Variants in ANXA2 observed in about 807,000 individuals in gnomAD.
ANXA2 encodes the protein annexin II.
ANXA2 carries 28 observed loss-of-function variants against 47.3 expected under a neutral mutation model. The observed-to-expected ratio is 0.59, with a 90% CI of 0.44 to 0.81. The LOEUF (loss-of-function observed/expected upper bound fraction) is 0.81, where lower values mean the gene tolerates loss of function less well. ANXA2 is among the 40% of genes least tolerant of loss of function. The pLI, the probability that ANXA2 is intolerant of heterozygous loss-of-function variation, is 0.00. For missense variants in ANXA2, 384 were observed against 414.3 expected (o/e 0.93, Z 0.64); for synonymous variants, 172 against 155.5 (o/e 1.11, Z -0.79).
At chr15:60,371,646 T>C (rs1307150411) in intron 3 of ANXA2, among the ~76,000 whole-genome samples, 1 of 152,096 alleles carries the variant, frequency 6.6e-6, no homozygotes, top group Non-Finnish European at 1.5e-5. Context: ...GGGGTTGACT[T>C]GGAAAACAAA....
chr15:60,354,288 C>A, intron 7 of ANXA2, 75 bp from the exon 8 acceptor site: 1 of 1,131,070 alleles, frequency 8.8e-7, no homozygotes, highest in South Asian at 1.4e-5. Context: ...TCTCCCCAGT[C>A]CATGTACGCC....
intron 1 of ANXA2, chr15:60,390,152 C>T: frequency 2.4e-6 from 1 of 420,670 alleles, no homozygotes; most frequent in Non-Finnish European, 3.3e-6. Context: ...CTATGTATAA[C>T]CATTTTGCAG....
chr15:60,392,944 A>T (rs937629790), intron 1 of ANXA2: 9 of 10,402 alleles, frequency 8.7e-4, no homozygotes, highest in African/African-American at 4.4e-3. Context: ...TTTTAAACTA[A>T]AAAAAAAAAA....
chr15:60,354,822 T>C, intron 7 of ANXA2, among the ~76,000 whole-genome samples: 1 of 152,082 alleles, frequency 6.6e-6, no homozygotes, highest in East Asian at 1.9e-4. Flanking sequence ...ATTTAGCTCT[T>C]TCTCACAGAG....
intron 4 of ANXA2, among the ~76,000 whole-genome samples, chr15:60,364,016 A>C (rs1408213374): frequency 1.3e-5 from 2 of 152,134 alleles, no homozygotes; most frequent in African/African-American, 2.4e-5. Context: ...CTATTCCCAG[A>C]AGCTCTCCCT....
intron 7 of ANXA2, among the ~76,000 whole-genome samples, chr15:60,354,466 C>G (rs2062394641): frequency 6.6e-6 from 1 of 151,702 alleles, no homozygotes; most frequent in Non-Finnish European, 1.5e-5. Flanking sequence ...AAGGTGAAAC[C>G]CTGTCTCTAC....
At chr15:60,353,868 G>A (rs1309236690) in intron 8 of ANXA2, among the ~76,000 whole-genome samples, 1 of 152,190 alleles carries the variant, frequency 6.6e-6, no homozygotes, top group Non-Finnish European at 1.5e-5. Context: ...CAACAGTCAT[G>A]TGAAGTGCAC....
intron 1 of ANXA2, chr15:60,392,980 A>T: frequency 9.1e-7 from 1 of 1,094,902 alleles, no homozygotes; most frequent in Non-Finnish European, 1.2e-6. Flanking sequence ...GGGTGAGGAG[A>T]GGGGTTCCCA....
chr15:60,363,051 A>T (rs1052993299), intron 4 of ANXA2: 20 of 150,752 alleles, frequency 1.3e-4, no homozygotes, highest in African/African-American at 4.9e-4. Context: ...AAAAAAAAAA[A>T]AAAAAAAGTT....
At chr15:60,353,568 G>A (rs1248829836) in intron 8 of ANXA2, among the ~76,000 whole-genome samples, 1 of 152,226 alleles carries the variant, frequency 6.6e-6, no homozygotes, top group East Asian at 1.9e-4. Flanking sequence ...AAACATTGCT[G>A]TCAGACTATG....
chr15:60,386,118 G>A lies in ANXA2; in HGVS notation c.-11-32C>T, dbSNP rs377278635. 6,266 of 1,513,078 alleles carry A rather than the reference G, an allele frequency of 4.1e-3. 22 individuals carry two copies. The highest frequency in any genetic ancestry group is 0.012 in the South Asian group (1,073 of 88,012). The allele number at this position is 1,513,078 out of a possible 1,614,324, so 93.7% of individuals were successfully genotyped here. ...AAAAAGTACAACAAAAAGTCTTTAT[G>A]AAGAGGCTCTCCTTTACTCTGAAGC... On this transcript the variant is annotated intron_variant, in intron 1 of 12. Transcript: ENST00000451270.
At chr15:60,357,658 T>A (rs1314748919) in intron 5 of ANXA2, among the ~76,000 whole-genome samples, 2 of 152,184 alleles carry the variant, frequency 1.3e-5, no homozygotes, top group African/African-American at 4.8e-5. Context: ...CTGGGCATGG[T>A]AGCGGGCGCC....
In ANXA2 at chr15:60,364,435, G is replaced by C; in HGVS notation, c.237C>G (p.Thr79=). The C allele has an allele frequency of 6.2e-7, 1 of 1,609,112 alleles. No individual in the cohort carries two copies. Among genetic ancestry groups the C allele is most frequent in the South Asian group, 1.1e-5 (1 of 89,934 alleles). Residue 79 remains threonine, a synonymous_variant, in exon 4 of 13, where the codon ACC becomes ACG. Coordinates refer to ENST00000451270, the MANE Select transcript of ANXA2 (RefSeq NM_004039.3). ...QDIAFAYQRR[T]KKELASALKS... is the part of the protein sequence containing the mutation. Reference sequence around the variant, plus strand: ...TCCCTGGAATTGCCTGTACCTTTTTGGTCCTTCTCTGGTAGGCGAAGGCAA... The same window carrying C: ...TCCCTGGAATTGCCTGTACCTTTTTCGTCCTTCTCTGGTAGGCGAAGGCAA...
At chr15:60,393,264 CCT>C (rs771299352) in intron 1 of ANXA2, 3 of 1,047,992 alleles carry the variant, frequency 2.9e-6, no homozygotes, top group Non-Finnish European at 3.5e-6. Context: ...GCTCTCACAG[CCT>C]CTCTCTGCTG....
intron 11 of ANXA2, among the ~76,000 whole-genome samples, chr15:60,349,471 T>C (rs1051801238): frequency 6.6e-6 from 1 of 152,172 alleles, no homozygotes; most frequent in Non-Finnish European, 1.5e-5. Flanking sequence ...ATCTCAAGTT[T>C]AGACTTGGGT....
chr15:60,347,762 G>C, intron 12 of ANXA2, 73 bp from the exon 13 acceptor site: 1 of 1,289,658 alleles, frequency 7.8e-7, no homozygotes. Context: ...CACAGAAGTA[G>C]CCTCAACGCA....
chr15:60,349,081 A>G lies in ANXA2; in HGVS notation c.954T>C (p.Tyr318=). Residue 318 remains tyrosine, a synonymous_variant, in exon 12 of 13, where the codon TAT becomes TAC. Coordinates refer to ENST00000451270, the MANE Select transcript of ANXA2 (RefSeq NM_004039.3). The part of the protein sequence containing the change: ...KRKYGKSLYY[Y]IQQDTKGDYQ... ...CACTGCACCTCGGGCTTACCTGGAT[A>G]TAATAGTACAGGGACTTGCCGTACT... 1.9e-6 allele frequency: 3 copies of G among 1,614,074 alleles called. No individual in the cohort carries two copies. The highest frequency in any genetic ancestry group is 2.5e-6 in the Non-Finnish European group (3 of 1,180,008).
intron 1 of ANXA2, among the ~76,000 whole-genome samples, chr15:60,393,981 G>T (rs913738712): frequency 1.3e-5 from 2 of 151,910 alleles, no homozygotes; most frequent in African/African-American, 2.4e-5. Flanking sequence ...TGGACATTTC[G>T]AATGCAGTTC....
chr15:60,376,436 G>T (rs2062780461), intron 3 of ANXA2, among the ~76,000 whole-genome samples: 1 of 152,092 alleles, frequency 6.6e-6, no homozygotes, highest in Non-Finnish European at 1.5e-5. Context: ...ACAGGAGAGG[G>T]GTGACAAGAG....
Sources: allele counts gnomAD v4.1 joint callset (sites outside exome capture counted in the v4.1 genomes callset), GRCh38; gene constraint gnomAD v4.1.1; transcripts MANE v1.5; gene names NCBI Gene and HGNC (gene_info 2026-07-23, HGNC 2026-07-21).